Variants in DPP6 observed in about 807,000 individuals in gnomAD.
DPP6 encodes dipeptidyl peptidase like 6, also known as A-type potassium channel modulatory protein DPP6.
A neutral mutation model predicts 122.6 loss-of-function variants in DPP6; 69 were observed. The observed-to-expected ratio is 0.56, with a 90% confidence interval of 0.46 to 0.69. DPP6 has a LOEUF of 0.69. Ranked by LOEUF, DPP6 falls within the 30% of genes least tolerant of loss-of-function variation. The probability of loss-of-function intolerance (pLI) is 0.00; values close to 1 mark genes in which losing one functional copy is unlikely to be tolerated. For missense variants in DPP6, 928 were observed against 1,116.9 expected (o/e 0.83, Z 2.41); for synonymous variants, 418 against 433.1 (o/e 0.97, Z 0.43).
At chr7:154,018,192 T>C (rs57739347) in intron 1 of DPP6, among the ~76,000 whole-genome samples, 23,874 of 151,624 alleles carry the variant, frequency 0.16, 2,132 homozygotes, top group African/African-American at 0.23. Flanking sequence ...TGAAATACGC[T>C]GTCCCCTTAG....
intron 10 of DPP6, among the ~76,000 whole-genome samples, chr7:154,783,984 A>G (rs139489308): frequency 3.0e-4 from 45 of 152,006 alleles, no homozygotes; most frequent in African/African-American, 9.4e-4. Flanking sequence ...TCTCTGCCCT[A>G]TTTTCATCAT....
intron 5 of DPP6, among the ~76,000 whole-genome samples, chr7:154,608,342 T>TATATA (rs59731169): frequency 6.3e-5 from 8 of 127,418 alleles, no homozygotes; most frequent in Admixed American, 8.3e-5. Context: ...TATATATATA[T>TATATA]TTTGAGATGG....
chr7:153,788,418 G>T, the DPP6 span, among the ~76,000 whole-genome samples: 1 of 152,180 alleles, frequency 6.6e-6, no homozygotes, highest in Admixed American at 6.5e-5. Context: ...TAGATAAAAA[G>T]AATTCGATTA....
chr7:154,771,105 C>G (rs968465857), intron 9 of DPP6, among the ~76,000 whole-genome samples: 9 of 152,208 alleles, frequency 5.9e-5, no homozygotes, highest in Non-Finnish European at 1.3e-4. Flanking sequence ...CCTGCTCTGC[C>G]ATAATCATCC....
At chr7:153,843,186 A>C in the DPP6 span, among the ~76,000 whole-genome samples, 1 of 151,704 alleles carries the variant, frequency 6.6e-6, no homozygotes, top group African/African-American at 2.4e-5. Context: ...GTGCATACAC[A>C]CGCGTGCATA....
chr7:153,873,291 C>T, the DPP6 span, among the ~76,000 whole-genome samples: 2 of 152,218 alleles, frequency 1.3e-5, no homozygotes, highest in Non-Finnish European at 1.5e-5. Flanking sequence ...CATTAAGCCC[C>T]ACCTCCAACA....
chr7:154,887,578 C>A (rs1806258912), intron 22 of DPP6, 98 bp from the exon 23 acceptor site: 1 of 1,225,786 alleles, frequency 8.2e-7, no homozygotes, highest in Non-Finnish European at 1.2e-6. Flanking sequence ...CCTGAGTCCT[C>A]ACCCCGCACC....
At chr7:154,244,313 G>A (rs2150881678) in intron 1 of DPP6, among the ~76,000 whole-genome samples, 1 of 152,184 alleles carries the variant, frequency 6.6e-6, no homozygotes, top group South Asian at 2.1e-4. Flanking sequence ...TCTACTGTGG[G>A]TAAAATAAAG....
chr7:154,264,974 T>TTAATGG, intron 1 of DPP6, among the ~76,000 whole-genome samples: 1 of 34,288 alleles, frequency 2.9e-5, no homozygotes, highest in Non-Finnish European at 6.8e-5. Flanking sequence ...GATGATGGTG[T>TTAATGG]TGATGATGAT....
intron 1 of DPP6, among the ~76,000 whole-genome samples, chr7:153,999,738 C>T (rs1474691348): frequency 2.6e-5 from 4 of 152,158 alleles, no homozygotes; most frequent in Non-Finnish European, 5.9e-5. Context: ...GCAAGTGGAT[C>T]GCCTGAGCTC....
At chr7:154,517,569 T>C (rs926008222) in intron 3 of DPP6, among the ~76,000 whole-genome samples, 1 of 152,142 alleles carries the variant, frequency 6.6e-6, no homozygotes, top group African/African-American at 2.4e-5. Context: ...TCTGTACTTG[T>C]ATGAGAGTTA....
chr7:154,427,475 C>G (rs1235242141), intron 1 of DPP6, among the ~76,000 whole-genome samples: 1 of 152,130 alleles, frequency 6.6e-6, no homozygotes, highest in Non-Finnish European at 1.5e-5. Context: ...TGAAAATAAC[C>G]TTCAACTGTC....
the DPP6 span, among the ~76,000 whole-genome samples, chr7:153,874,400 G>T: frequency 6.6e-6 from 1 of 152,128 alleles, no homozygotes; most frequent in Non-Finnish European, 1.5e-5. Context: ...TTTTGAGAGG[G>T]AGTCTTGCTC....
intron 1 of DPP6, among the ~76,000 whole-genome samples, chr7:154,366,102 A>C (rs1812166349): frequency 6.6e-6 from 1 of 152,126 alleles, no homozygotes; most frequent in African/African-American, 2.4e-5. Flanking sequence ...ACAGCTTATA[A>C]CCTGCTCCAG....
In DPP6 at chr7:154,015,040, C is replaced by G. The variant is rs191236360; in HGVS notation, c.51+127306C>G. Among the ~76,000 whole-genome samples, 12 of 152,200 alleles carry G rather than the reference C, an allele frequency of 7.9e-5. No individual in the cohort carries two copies. In the East Asian group the frequency reaches 9.7e-4, roughly 12 times the overall value. ...GCTGGAGAAACTGTTTTCTCATTGA[C>G]GTACTTGCTTTAATGAAATGAGAAA... is the stretch of plus-strand genomic sequence containing the variant. On this transcript the variant is annotated intron_variant, in intron 1 of 25. Transcript: ENST00000404039.
At chr7:153,913,452 T>C (rs1402490336) in intron 1 of DPP6, among the ~76,000 whole-genome samples, 1 of 152,216 alleles carries the variant, frequency 6.6e-6, no homozygotes, top group Non-Finnish European at 1.5e-5. Flanking sequence ...TTCATGTTTC[T>C]GTAAGCTGCA....
intron 1 of DPP6, among the ~76,000 whole-genome samples, chr7:153,890,683 CTTTTTTTTTTTTT>C (rs34345128): frequency 1.6e-4 from 13 of 81,992 alleles, no homozygotes; most frequent in Admixed American, 1.2e-3. Context: ...CAGTTTAGAA[CTTTTTTTTTTTTT>C]TTTTTTTTTT....
chr7:154,024,451 T>G (rs1798875783), intron 1 of DPP6, among the ~76,000 whole-genome samples: 1 of 152,092 alleles, frequency 6.6e-6, no homozygotes, highest in Admixed American at 6.6e-5. Context: ...TTTTTTCCTG[T>G]TATGTCAATG....
intron 1 of DPP6, among the ~76,000 whole-genome samples, chr7:154,143,892 C>A (rs930584138): frequency 4.0e-5 from 6 of 151,796 alleles, no homozygotes; most frequent in Admixed American, 1.3e-4. Context: ...TTTGTACATT[C>A]ATTAAATAAT....
Sources: allele counts gnomAD v4.1 joint callset (sites outside exome capture counted in the v4.1 genomes callset), GRCh38; gene constraint gnomAD v4.1.1; transcripts MANE v1.5; gene names NCBI Gene and HGNC (gene_info 2026-07-23, HGNC 2026-07-21).